The following NRXN3 variants were observed in gnomAD, a reference collection of about 807,000 sequenced individuals.
The protein encoded by NRXN3 is neurexin 3.
Under a neutral mutation model 137.6 loss-of-function variants are expected in NRXN3, and 32 were observed. The observed-to-expected ratio is 0.23, with a 90% CI of 0.18 to 0.31. NRXN3 has a LOEUF of 0.31. Among genes scored for constraint, NRXN3 ranks in the 10% least tolerant of loss-of-function variants. NRXN3 has a pLI of 1.00. For synonymous variants in NRXN3, 798 were observed against 784.5 expected (o/e 1.02, Z -0.29); for missense variants, 1,574 against 2,062.5 (o/e 0.76, Z 4.59).
intron 19 of NRXN3, among the ~76,000 whole-genome samples, chr14:79,715,344 C>T (rs1013799063): frequency 8.5e-5 from 13 of 152,192 alleles, no homozygotes; most frequent in Middle Eastern, 3.2e-3. Flanking sequence ...CTCTCCTAGA[C>T]TGCCCCAAAA....
intron 2 of NRXN3, among the ~76,000 whole-genome samples, chr14:78,274,318 G>A (rs902740783): frequency 1.3e-5 from 2 of 152,210 alleles, no homozygotes; most frequent in African/African-American, 4.8e-5. Flanking sequence ...TACAATCATG[G>A]CAGAAGGGGA....
intron 4 of NRXN3, among the ~76,000 whole-genome samples, chr14:78,540,905 G>T (rs1010256122): frequency 1.3e-5 from 2 of 152,112 alleles, no homozygotes; most frequent in Non-Finnish European, 2.9e-5. Context: ...ATGAAATTCT[G>T]GGTTGAAAAT....
intron 19 of NRXN3, among the ~76,000 whole-genome samples, chr14:79,735,562 A>T (rs1362311246): frequency 6.6e-6 from 1 of 152,166 alleles, no homozygotes; most frequent in African/African-American, 2.4e-5. Flanking sequence ...TATTGCCTGG[A>T]GGTAATTTGT....
chr14:79,568,619 G>A (rs751918649), intron 16 of NRXN3, among the ~76,000 whole-genome samples: 25 of 152,138 alleles, frequency 1.6e-4, no homozygotes, highest in Middle Eastern at 3.2e-3. Flanking sequence ...AGCTAGAGCC[G>A]GGAGACTCCT....
intron 4 of NRXN3, among the ~76,000 whole-genome samples, chr14:78,357,819 T>A (rs777230759): frequency 6.6e-6 from 1 of 152,212 alleles, no homozygotes; most frequent in Non-Finnish European, 1.5e-5. Context: ...AAATGCAATT[T>A]TTCTGGAAGT....
intron 4 of NRXN3, among the ~76,000 whole-genome samples, chr14:78,376,050 A>G (rs7157115): frequency 6.6e-6 from 1 of 151,288 alleles, no homozygotes; most frequent in Non-Finnish European, 1.5e-5. Context: ...ATTCTCCTAA[A>G]GATAATATCA....
At chr14:78,364,791 G>A (rs949899351) in intron 4 of NRXN3, among the ~76,000 whole-genome samples, 1 of 152,202 alleles carries the variant, frequency 6.6e-6, no homozygotes, top group African/African-American at 2.4e-5. Flanking sequence ...GTGGGTGGAG[G>A]AGAAACCAGC....
At chr14:78,666,592 TC>T (rs976180068) in intron 6 of NRXN3, among the ~76,000 whole-genome samples, 2 of 152,134 alleles carry the variant, frequency 1.3e-5, no homozygotes, top group African/African-American at 2.4e-5. Flanking sequence ...TCTTTCTCAT[TC>T]CCCTTCTTCC....
Position 78,321,899 on chromosome 14 carries a change from T to A in NRXN3, c.757+24039T>A, listed in dbSNP as rs141211847. Among the ~76,000 whole-genome samples, 20 of 152,110 alleles carry A rather than the reference T, an allele frequency of 1.3e-4. No individual in the cohort carries two copies. In the East Asian group the frequency reaches 3.9e-3, roughly 29 times the overall value. On this transcript the variant is annotated intron_variant, in intron 4 of 20. Transcript: ENST00000335750. Reference sequence around the variant, plus strand: ...ACCATGTTCCTTGATAACCAGCAATTACCTTCTGAATGTTACCTGAGTGCA... The same window carrying A: ...ACCATGTTCCTTGATAACCAGCAATAACCTTCTGAATGTTACCTGAGTGCA...
At chr14:79,409,007 A>G (rs2095365729) in intron 15 of NRXN3, among the ~76,000 whole-genome samples, 1 of 152,096 alleles carries the variant, frequency 6.6e-6, no homozygotes, top group African/African-American at 2.4e-5. Flanking sequence ...GTCTATGGAT[A>G]AGAAATTCTG....
chr14:78,456,622 G>T (rs572092355), intron 4 of NRXN3, among the ~76,000 whole-genome samples: 38 of 151,696 alleles, frequency 2.5e-4, no homozygotes, highest in African/African-American at 9.2e-4. Flanking sequence ...ATCTGTCATT[G>T]CATTCATTTA....
At chr14:79,576,136 C>T (rs1181497952) in intron 16 of NRXN3, among the ~76,000 whole-genome samples, 1 of 152,132 alleles carries the variant, frequency 6.6e-6, no homozygotes, top group African/African-American at 2.4e-5. Context: ...CTTATTTGAT[C>T]TAGCTAAGTA....
intron 16 of NRXN3, among the ~76,000 whole-genome samples, chr14:79,629,748 G>T (rs1223518467): frequency 6.6e-6 from 1 of 151,970 alleles, no homozygotes; most frequent in Non-Finnish European, 1.5e-5. Flanking sequence ...AGATCAGCAT[G>T]TTACAGCTGA....
At chr14:78,257,294 T>A (rs893370294) in intron 2 of NRXN3, among the ~76,000 whole-genome samples, 45 of 152,380 alleles carry the variant, frequency 3.0e-4, no homozygotes, top group African/African-American at 1.1e-3. Context: ...TTGGAATAAG[T>A]TTATTCACCT....
At chr14:78,203,832 GT>G (rs1450782702) in intron 1 of NRXN3, among the ~76,000 whole-genome samples, 5 of 78,234 alleles carry the variant, frequency 6.4e-5, no homozygotes, top group African/African-American at 3.2e-4. Context: ...GTGTGTGTGT[GT>G]GTGTGGTTTG....
intron 6 of NRXN3, among the ~76,000 whole-genome samples, chr14:78,706,098 T>C (rs1046446587): frequency 4.2e-4 from 64 of 152,242 alleles, no homozygotes; most frequent in Admixed American, 9.2e-4. Flanking sequence ...TCTCTCTTTC[T>C]ATTTATTGTT....
rs980895236 is a variant in NRXN3 at position 79,819,503 on chromosome 14, G to A, written c.4093+14313G>A. Among the ~76,000 whole-genome samples the A allele has an allele frequency of 8.0e-4, 6 of 7,474 alleles. 1 individual carries two copies. Among genetic ancestry groups the A allele is most frequent in the Admixed American group, 4.0e-3 (4 of 1,000 alleles). 4.9% of individuals were successfully genotyped at this position (7,474 alleles called of 152,430 possible). The stretch of plus-strand genomic sequence containing the variant: ...AAAGCTTTTTTTTTTTTTTTTTTTT[G>A]AGACGGAGTCTTTTTCTGTCACCCA... On this transcript the variant is annotated intron_variant, in intron 20 of 20. Coordinates refer to ENST00000335750, the MANE Select transcript of NRXN3 (RefSeq NM_001330195.2).
At chr14:79,334,225 T>TGGTGCTATGAAAAAAATAAAGTAGAATGA (rs2092051693) in intron 15 of NRXN3, among the ~76,000 whole-genome samples, 1 of 152,068 alleles carries the variant, frequency 6.6e-6, no homozygotes. Flanking sequence ...TACTCTTCAA[T>TGGTGCTATGAAAAAAATAAAGTAGAATGA]GGTGCTATGA....
intron 4 of NRXN3, among the ~76,000 whole-genome samples, chr14:78,410,794 G>A (rs1296194023): frequency 6.6e-6 from 1 of 152,236 alleles, no homozygotes; most frequent in Non-Finnish European, 1.5e-5. Flanking sequence ...AACTCCGCAG[G>A]AGGGATATTA....
Sources: allele counts gnomAD v4.1 joint callset (sites outside exome capture counted in the v4.1 genomes callset), GRCh38; gene constraint gnomAD v4.1.1; transcripts MANE v1.5; gene names NCBI Gene and HGNC (gene_info 2026-07-23, HGNC 2026-07-21).